Variants in IGDCC3 observed in about 807,000 individuals in gnomAD.
IGDCC3 encodes the protein putative neuronal cell adhesion molecule.
In IGDCC3, 47 loss-of-function variants were observed where a neutral mutation model predicts 72.0. The observed-to-expected ratio is 0.65, with a 90% CI of 0.52 to 0.83. The LOEUF (loss-of-function observed/expected upper bound fraction) is 0.83. IGDCC3 is among the 40% of genes least tolerant of loss of function. The pLI, the probability that IGDCC3 is intolerant of heterozygous loss-of-function variation, is 0.00. For missense variants in IGDCC3, 1,038 were observed against 1,091.3 expected (o/e 0.95, Z 0.69); for synonymous variants, 477 against 472.8 (o/e 1.01, Z -0.11).
At chr15:65,362,349 T>C (rs1241612660) in intron 2 of IGDCC3, among the ~76,000 whole-genome samples, 1 of 152,132 alleles carries the variant, frequency 6.6e-6, no homozygotes, top group South Asian at 2.1e-4. Context: ...AAGCAGCTTC[T>C]CCTGGAAGTG....
chr15:65,331,384 A>C, intron 8 of IGDCC3, 28 bp downstream of exon 8: 2 of 1,581,926 alleles, frequency 1.3e-6, no homozygotes, highest in Non-Finnish European at 1.7e-6. Context: ...GAATTAGAGG[A>C]AGGGGCAACA....
intron 2 of IGDCC3, among the ~76,000 whole-genome samples, chr15:65,366,676 G>A (rs1462291509): frequency 1.3e-5 from 2 of 152,172 alleles, no homozygotes; most frequent in Non-Finnish European, 2.9e-5. Context: ...AGGTGAGCCA[G>A]TCCTGGCCCC....
intron 2 of IGDCC3, among the ~76,000 whole-genome samples, chr15:65,351,627 T>C (rs2585028): frequency 6.6e-6 from 1 of 151,884 alleles, no homozygotes; most frequent in Admixed American, 6.5e-5. Flanking sequence ...GTTTAACATT[T>C]ATAGTACATT....
At chr15:65,372,249 T>C (rs2091330481) in intron 2 of IGDCC3, among the ~76,000 whole-genome samples, 1 of 152,192 alleles carries the variant, frequency 6.6e-6, no homozygotes, top group Non-Finnish European at 1.5e-5. Context: ...CATGCACGTT[T>C]CACAGGCAAG....
Position 65,331,154 on chromosome 15 carries a change from C to T in IGDCC3, c.1457G>A (p.Ser486Asn), listed in dbSNP as rs2090974432. Residue 486 changes from serine to asparagine, a missense_variant, in exon 9 of 14, where the codon AGC becomes AAC. By Grantham distance (46) the Ser-to-Asn change is conservative. Coordinates refer to ENST00000327987, the MANE Select transcript of IGDCC3 (RefSeq NM_004884.4). ...VSKSTFQHLV[S>N]DLEPSTAYSF... ...GTAGGCTGTGGAGGGCTCCAGGTCG[C>T]TGACCAGGTGCTGAAAGGTGCTCTT... 3 of 1,614,060 alleles carry T rather than the reference C, an allele frequency of 1.9e-6. No individual in the cohort carries two copies. The highest frequency in any genetic ancestry group is 1.7e-6 in the Non-Finnish European group (2 of 1,179,988).
intron 1 of IGDCC3, among the ~76,000 whole-genome samples, chr15:65,376,805 G>A (rs2091361953): frequency 6.6e-6 from 1 of 152,200 alleles, no homozygotes; most frequent in African/African-American, 2.4e-5. Flanking sequence ...GGAGAGGAGT[G>A]GAGAGAGAAT....
intron 5 of IGDCC3, 88 bp from the exon 6 acceptor site, chr15:65,333,503 T>G: frequency 1.5e-6 from 2 of 1,292,482 alleles, no homozygotes; most frequent in South Asian, 3.1e-5. Flanking sequence ...TGGCTTGCCC[T>G]TCCTCCTGTC....
At chr15:65,362,736 G>A (rs2091269217) in intron 2 of IGDCC3, among the ~76,000 whole-genome samples, 1 of 151,982 alleles carries the variant, frequency 6.6e-6, no homozygotes, top group African/African-American at 2.4e-5. Context: ...GGTCGTCAGT[G>A]CAAGACTGTC....
intron 2 of IGDCC3, among the ~76,000 whole-genome samples, chr15:65,358,458 A>C (rs942265752): frequency 2.0e-5 from 3 of 152,168 alleles, no homozygotes; most frequent in African/African-American, 7.2e-5. Flanking sequence ...GCAAGACTAA[A>C]ATGGCTGTTC....
chr15:65,377,304 AC>A lies in IGDCC3; in HGVS notation c.103+381del, dbSNP rs2091364710. Among the ~76,000 whole-genome samples the A allele has an allele frequency of 6.6e-6, 1 of 151,806 alleles. No homozygotes were observed. Among genetic ancestry groups the A allele is most frequent in the Admixed American group, 6.6e-5 (1 of 15,266 alleles). Reference sequence around the variant, plus strand: ...GTCTTGGCTGCCTCGGGCTATGTCCACGGCCGGGCACCCAGCACCCCAGCTC... The same window carrying A: ...GTCTTGGCTGCCTCGGGCTATGTCCAGGCCGGGCACCCAGCACCCCAGCTC... On this transcript the variant is annotated intron_variant, in intron 1 of 13. Coordinates refer to ENST00000327987, the MANE Select transcript of IGDCC3 (RefSeq NM_004884.4). The surrounding 1 kb of genome is among the most constrained non-coding windows in gnomAD (Gnocchi z 4.9).
chr15:65,346,316 G>A (rs973190032), intron 2 of IGDCC3, among the ~76,000 whole-genome samples: 1 of 152,220 alleles, frequency 6.6e-6, no homozygotes, highest in Non-Finnish European at 1.5e-5. Flanking sequence ...GAGAGGGTGG[G>A]CCTGCAGGTC....
At position 65,362,873 on chromosome 15, in the gene IGDCC3, TA is replaced by T. The variant is rs1423802902; in HGVS notation, c.409+12223del. Among the ~76,000 whole-genome samples the T allele has an allele frequency of 6.3e-3, 795 of 125,310 alleles. 11 individuals carry two copies. Among genetic ancestry groups the T allele is most frequent in the African/African-American group, 0.027 (768 of 28,812 alleles). 82.2% of individuals were successfully genotyped at this position (125,310 alleles called of 152,430 possible). The stretch of plus-strand genomic sequence containing the variant: ...TTTTTTTTTTTTTTTTTTTTTTTTT[TA>T]GACAGAGTCTCGCTCTGTCACCCAG... On this transcript the variant is annotated intron_variant, in intron 2 of 13. Coordinates refer to ENST00000327987, the MANE Select transcript of IGDCC3 (RefSeq NM_004884.4).
intron 2 of IGDCC3, among the ~76,000 whole-genome samples, chr15:65,356,853 T>TTTTTTTTTTTG (rs2091225943): frequency 7.5e-6 from 1 of 132,452 alleles, no homozygotes; most frequent in South Asian, 2.4e-4. Context: ...ACCTGCTTTT[T>TTTTTTTTTTTG]TTTTTTTTTT....
chr15:65,349,745 T>A (rs1444948632), intron 2 of IGDCC3, among the ~76,000 whole-genome samples: 1 of 152,214 alleles, frequency 6.6e-6, no homozygotes, highest in East Asian at 1.9e-4. Context: ...GTCTCTGGCT[T>A]CAGGGAACAG....
At position 65,333,297 on chromosome 15, in the gene IGDCC3, G is replaced by A. The variant is rs2090996055; in HGVS notation, c.942C>T (p.Thr314=). The change falls in exon 6 of 14, where the codon ACC becomes ACT. Residue 314 remains threonine (T), a synonymous_variant. Coordinates refer to ENST00000327987, the MANE Select transcript of IGDCC3 (RefSeq NM_004884.4). ...GGCCCTGTGCCGTTCTCCTCACCCG[G>A]GTGCCAGGTCTGTTGGCTGCACAGA... The part of the protein sequence containing the change: ...VYVCAANRPG[T]RVRRTAQGRL... 1.2e-6 allele frequency: 2 copies of A among 1,612,698 alleles called. No homozygotes were observed. The highest frequency in any genetic ancestry group is 2.2e-5 in the East Asian group (1 of 44,826).
At chr15:65,370,588 G>GTA (rs1453455277) in intron 2 of IGDCC3, among the ~76,000 whole-genome samples, 1 of 112,766 alleles carries the variant, frequency 8.9e-6, no homozygotes, top group Non-Finnish European at 1.8e-5. Context: ...ATATATGTAT[G>GTA]TATATATATG....
At chr15:65,358,057 G>T (rs143426943) in intron 2 of IGDCC3, among the ~76,000 whole-genome samples, 10 of 151,010 alleles carry the variant, frequency 6.6e-5, no homozygotes, top group Non-Finnish European at 1.5e-4. Context: ...AGAGAAAAAA[G>T]ATCCAAGAAA....
rs776262614 is a variant in IGDCC3, at chr15:65,329,714, C to T, written c.1997+12G>A. ...ACACCAGCCCAGCCCCTCTCCCTGG[C>T]CCAGGACCCACCTGCCCCTTTGGCC... On this transcript the variant is annotated intron_variant, in intron 12 of 13. Transcript: ENST00000327987. The surrounding 1 kb of genome is among the most constrained non-coding windows in gnomAD (Gnocchi z 4.1). 1.2e-6 allele frequency: 2 copies of T among 1,613,926 alleles called. No individual in the cohort carries two copies. The highest frequency in any genetic ancestry group is 1.7e-5 in the Admixed American group (1 of 59,998).
intron 2 of IGDCC3, among the ~76,000 whole-genome samples, chr15:65,341,533 G>A (rs1032656847): frequency 3.3e-5 from 5 of 152,076 alleles, no homozygotes; most frequent in African/African-American, 7.2e-5. Context: ...AATATTATTC[G>A]GCCTTAAAAA....
Sources: gnomAD v4.1 joint callset for allele counts (sites outside exome capture counted in the v4.1 genomes callset) on GRCh38, gnomAD v4.1.1 for gene constraint, Gnocchi (gnomAD v3.1) non-coding constraint, MANE v1.5 for transcripts, NCBI Gene and HGNC (gene_info 2026-07-23, HGNC 2026-07-21) for gene names.